ANPEP: variants seen among roughly 807,000 people sequenced by gnomAD.
ANPEP encodes the protein alanyl aminopeptidase, membrane.
A neutral mutation model predicts 114.6 loss-of-function variants in ANPEP; 70 were observed. The ratio of observed to expected loss-of-function variants is 0.61; its 90% CI spans 0.50 to 0.75. ANPEP has a LOEUF of 0.75. Among genes scored for constraint, ANPEP ranks in the 30% least tolerant of loss-of-function variants. The pLI, the probability that ANPEP is intolerant of heterozygous loss-of-function variation, is 0.00. For synonymous variants in ANPEP, 548 were observed against 522.3 expected, an observed-to-expected ratio of 1.05 and a Z score of -0.67; for missense variants, 1,184 against 1,259.5, an observed-to-expected ratio of 0.94 and a Z score of 0.91.
intron 1 of ANPEP, among the ~76,000 whole-genome samples, chr15:89,812,355 G>C (rs1473086788): frequency 6.6e-6 from 1 of 152,178 alleles, no homozygotes; most frequent in Non-Finnish European, 1.5e-5. Flanking sequence ...GACGAGGCTG[G>C]GCCTGGGCCA....
Position 89,806,511 on chromosome 15 carries a change from T to G in ANPEP, c.73A>C (p.Thr25Pro). The G allele has an allele frequency of 6.2e-7, 1 of 1,613,922 alleles. No individual in the cohort carries two copies. Among genetic ancestry groups the G allele is most frequent in the South Asian group, 1.1e-5 (1 of 91,082 alleles). ...TACACCACTGACAGTGCGATGATTG[T>G]GCACACGGCTGCCACGCCCAGGAGG... is the stretch of plus-strand genomic sequence containing the variant. ...GILLGVAAVC[T>P]IIALSVVYSQ... Residue 25 changes from threonine (T) to proline (P), a missense_variant, in exon 2 of 21, where the codon ACA becomes CCA. By Grantham distance (38) the Thr-to-Pro change is conservative. Transcript: ENST00000300060. The surrounding 1 kb of genome is among the most constrained non-coding windows in gnomAD (Gnocchi z 5.7).
chr15:89,786,499 T>C (rs1306995042), intron 20 of ANPEP, among the ~76,000 whole-genome samples: 1 of 150,726 alleles, frequency 6.6e-6, no homozygotes, highest in Non-Finnish European at 1.5e-5. Flanking sequence ...TTGGCCAGCC[T>C]GGGCAAGATG....
chr15:89,811,460 C>T (rs1242609506), intron 1 of ANPEP, among the ~76,000 whole-genome samples: 1 of 151,882 alleles, frequency 6.6e-6, no homozygotes, highest in Non-Finnish European at 1.5e-5. Flanking sequence ...TCCTGGCTAA[C>T]ACGGTGAAAC....
intron 20 of ANPEP, 55 bp downstream of exon 20, chr15:89,790,405 C>T (rs1968597591): frequency 1.3e-6 from 2 of 1,532,656 alleles, no homozygotes; most frequent in Admixed American, 1.7e-5. Flanking sequence ...ATGGAGTGCC[C>T]CTTTGGCCTG....
Position 89,805,315 on chromosome 15 carries a change from A to G in ANPEP, c.757+6T>C. The G allele has an allele frequency of 6.2e-7, 1 of 1,613,422 alleles. No individual in the cohort carries two copies. The highest frequency in any genetic ancestry group is 1.1e-5 in the South Asian group (1 of 91,078). On this transcript the variant is annotated splice_donor_region_variant and intron_variant, in intron 3 of 20. Coordinates refer to ENST00000300060, the MANE Select transcript of ANPEP (RefSeq NM_001150.3). ...GGCCCTGTGGCCGCAGGCAGGGCCC[A>G]CTCACCTTTGGGAAGCATGTTGGAC...
chr15:89,808,698 T>A (rs1364678334), intron 1 of ANPEP, among the ~76,000 whole-genome samples: 1 of 152,072 alleles, frequency 6.6e-6, no homozygotes, highest in Non-Finnish European at 1.5e-5. Flanking sequence ...CCCCAGCATG[T>A]CAGGGCCCCA....
chr15:89,798,975 AAAAC>A (rs1894530069), intron 14 of ANPEP, among the ~76,000 whole-genome samples: 1 of 152,164 alleles, frequency 6.6e-6, no homozygotes, highest in Admixed American at 6.5e-5. Context: ...AACAAAAACA[AAAAC>A]AAAAAGCTTG....
At chr15:89,801,074 G>T in intron 12 of ANPEP, 37 bp downstream of exon 12, 2 of 1,577,094 alleles carry the variant, frequency 1.3e-6, no homozygotes, top group Non-Finnish European at 8.7e-7. Context: ...AGGAGTATGG[G>T]GTGGGGGCTG....
intron 15 of ANPEP, among the ~76,000 whole-genome samples, chr15:89,796,479 T>C (rs1266851078): frequency 1.4e-5 from 2 of 143,976 alleles, no homozygotes; most frequent in Non-Finnish European, 3.0e-5. Context: ...TAACAGATAA[T>C]TGAACTTTTT....
At chr15:89,810,381 AAAAT>A (rs71464490) in intron 1 of ANPEP, among the ~76,000 whole-genome samples, 74,327 of 148,268 alleles carry the variant, frequency 0.5, 18,995 homozygotes, top group East Asian at 0.76. Flanking sequence ...TCTGTCTCAA[AAAAT>A]AAATAAATAA....
In ANPEP at chr15:89,803,740, T is replaced by C; in HGVS notation, c.1344A>G (p.Ala448=). ...TGGACAGCGGGTGGGAGGAGGCCAG[T>C]GCATCCACTGCCATCACGCGGTACA... ...NDVYRVMAVD[A]LASSHPLSTP... is the part of the protein sequence containing the mutation. The change falls in exon 8 of 21, where the codon GCA becomes GCG. Residue 448 remains alanine (A), a synonymous_variant. Coordinates refer to ENST00000300060, the MANE Select transcript of ANPEP (RefSeq NM_001150.3). This position sits in a 1 kb window ranked among gnomAD's most constrained non-coding sequence, Gnocchi z 4.2. 2 of 1,611,676 alleles carry C rather than the reference T, an allele frequency of 1.2e-6. No homozygotes were observed. The highest frequency in any genetic ancestry group is 1.7e-6 in the Non-Finnish European group (2 of 1,178,366).
rs1168495785 is a variant in ANPEP at position 89,799,249 on chromosome 15, G to A, written c.2009+11C>T. 7 of 1,613,984 alleles carry A rather than the reference G, an allele frequency of 4.3e-6. No homozygotes were observed. The highest frequency in any genetic ancestry group is 3.3e-5 in the South Asian group (3 of 91,082). ...AGCTTCTGCAGCTGAGCCAGGCAGC[G>A]GAGCACTCACCTGGCCAGGTTGAAG... is the stretch of plus-strand genomic sequence containing the variant. On this transcript the variant is annotated intron_variant, in intron 14 of 20. Transcript: ENST00000300060. The surrounding 1 kb of genome is among the most constrained non-coding windows in gnomAD (Gnocchi z 4.2).
intron 20 of ANPEP, among the ~76,000 whole-genome samples, chr15:89,788,499 A>T (rs2141785894): frequency 6.6e-6 from 1 of 152,306 alleles, no homozygotes; most frequent in South Asian, 2.1e-4. Flanking sequence ...AGTGACTGCT[A>T]ATGAGTACAA....
rs1491147207 is a variant in ANPEP, at chr15:89,814,003, G to GT, written c.-224+768dup. Among the ~76,000 whole-genome samples the GT allele has an allele frequency of 7.4e-5, 11 of 149,298 alleles. 1 individual carries two copies. The highest frequency in any genetic ancestry group is 5.9e-5 in the Non-Finnish European group (4 of 67,666). ...CCCACCGCACTGCTGGGGGGGGGGG[G>GT]TGCGTTCTGGAGTCATTTGGGGAAA... On this transcript the variant is annotated intron_variant, in intron 1 of 20. Coordinates refer to ENST00000300060, the MANE Select transcript of ANPEP (RefSeq NM_001150.3).
intron 12 of ANPEP, 76 bp downstream of exon 12, chr15:89,801,035 C>G (rs55653418): frequency 0.088 from 116,178 of 1,321,186 alleles, 5,697 homozygotes; most frequent in Non-Finnish European, 0.1. Context: ...AATGGCCCAT[C>G]ACAGCCCTCA....
intron 4 of ANPEP, 118 bp from the exon 5 acceptor site, chr15:89,804,735 A>T (rs750696305): frequency 2.1e-5 from 30 of 1,418,994 alleles, no homozygotes; most frequent in Non-Finnish European, 2.9e-5. Flanking sequence ...CTGGAGGCCA[A>T]TCAAGCTAAA....
At chr15:89,785,880 T>A (rs1968498596) in intron 20 of ANPEP, among the ~76,000 whole-genome samples, 1 of 151,942 alleles carries the variant, frequency 6.6e-6, no homozygotes, top group Non-Finnish European at 1.5e-5. Context: ...AAAAAAAAAA[T>A]ACTCCTACAA....
At position 89,804,357 on chromosome 15, in the gene ANPEP, G is replaced by A. The variant is rs1391744720; in HGVS notation, c.1075C>T (p.Leu359=). The A allele has an allele frequency of 6.2e-6, 10 of 1,614,218 alleles. No individual in the cohort carries two copies. The highest frequency in any genetic ancestry group is 8.5e-6 in the Non-Finnish European group (10 of 1,180,034). ...FNAGAMENWG[L]VTYRENSLLF... Reference sequence around the variant, plus strand: ...AGGGAGTTCTCCCGGTAGGTCACCAGTCCCCAGTTCTCCATGGCGCCGGCG... The same window carrying A: ...AGGGAGTTCTCCCGGTAGGTCACCAATCCCCAGTTCTCCATGGCGCCGGCG... The change falls in exon 6 of 21, where the codon CTG becomes TTG. Residue 359 remains leucine (L), a synonymous_variant. Transcript: ENST00000300060.
Position 89,785,422 on chromosome 15 carries a change from G to C in ANPEP, c.2831C>G (p.Thr944Arg). 1.2e-6 allele frequency: 2 copies of C among 1,614,188 alleles called. No homozygotes were observed. The highest frequency in any genetic ancestry group is 1.7e-6 in the Non-Finnish European group (2 of 1,180,016). ...CTTCACCCACTTGATGTTGGCTTTC[G>C]TCTTCTCCAGGGCTTGCTCCAGGGC... is the stretch of plus-strand genomic sequence containing the variant. ...TRALEQALEK[T>R]KANIKWVKEN... is the part of the protein sequence containing the mutation. The change falls in exon 21 of 21, where the codon ACG becomes AGG. Residue 944 changes from threonine (T) to arginine (R), a missense_variant. Physicochemically the swap from Thr to Arg is moderately conservative, Grantham distance 71. Transcript: ENST00000300060.
Sources: allele counts gnomAD v4.1 joint callset (sites outside exome capture counted in the v4.1 genomes callset), GRCh38; gene constraint gnomAD v4.1.1; non-coding constraint Gnocchi (gnomAD v3.1); transcripts MANE v1.5; gene names NCBI Gene and HGNC (gene_info 2026-07-23, HGNC 2026-07-21).